NFE2L1: variants seen among roughly 807,000 people sequenced by gnomAD.
The protein encoded by NFE2L1 is endoplasmic reticulum membrane sensor NFE2L1.
Under a neutral mutation model 61.6 loss-of-function variants are expected in NFE2L1, and 18 were observed. The observed-to-expected ratio is 0.29, with a 90% CI of 0.20 to 0.43. NFE2L1 has a LOEUF of 0.43. Ranked by LOEUF, NFE2L1 falls within the 20% of genes least tolerant of loss-of-function variation. The pLI, the probability that NFE2L1 is intolerant of heterozygous loss-of-function variation, is 1.00. For synonymous variants in NFE2L1, 419 were observed against 402.7 expected (o/e 1.04, Z -0.48); for missense variants, 827 against 973.5 (o/e 0.85, Z 2.00).
chr17:48,053,369 G>A (rs2037304840), intron 2 of NFE2L1, among the ~76,000 whole-genome samples: 1 of 152,142 alleles, frequency 6.6e-6, no homozygotes, highest in African/African-American at 2.4e-5. Context: ...GCCCAGGCTG[G>A]GTATGGGGGA....
intron 2 of NFE2L1, among the ~76,000 whole-genome samples, chr17:48,053,699 G>T (rs2037313594): frequency 6.6e-6 from 1 of 152,206 alleles, no homozygotes; most frequent in Non-Finnish European, 1.5e-5. Flanking sequence ...GCAGCAGTGG[G>T]GAGGGAGCTA....
chr17:48,051,004 G>A lies in NFE2L1; in HGVS notation c.-115G>A, dbSNP rs886333328. ...CTTGTGTTCTGCCAGGGTGGGGTAC[G>A]GGGTTTGACACTGAGGAGGGTAACC... On this transcript the variant is annotated 5_prime_UTR_variant, in exon 2 of 6. Transcript: ENST00000362042. The A allele has an allele frequency of 1.5e-5, 20 of 1,290,760 alleles. No homozygotes were observed. The highest frequency in any genetic ancestry group is 1.1e-4 in the Admixed American group (6 of 54,536). The allele number at this position is 1,290,760 out of a possible 1,614,324, so 80.0% of individuals were successfully genotyped here.
intron 2 of NFE2L1, chr17:48,055,109 GC>G: frequency 7.0e-7 from 1 of 1,436,308 alleles, no homozygotes. Flanking sequence ...TCACCGGGTG[GC>G]CCAGCCCGCC....
chr17:48,054,555 G>A, intron 2 of NFE2L1: 10 of 1,215,744 alleles, frequency 8.2e-6, no homozygotes, highest in African/African-American at 1.6e-5. Context: ...CTGCTGACCT[G>A]GGGGAGGGGA....
chr17:48,059,380 G>A lies in NFE2L1; in HGVS notation c.2058G>A (p.Val686=), dbSNP rs2037488983. 1 of 1,614,234 alleles carries A rather than the reference G, an allele frequency of 6.2e-7. No individual in the cohort carries two copies. The highest frequency in any genetic ancestry group is 8.5e-7 in the Non-Finnish European group (1 of 1,180,050). ...CCATCCTGAATCTGGAGCGTGATGT[G>A]GAGGACCTGCAGCGTGACAAAGCCC... ...LDTILNLERD[V]EDLQRDKARL... is the part of the protein sequence containing the mutation. The change falls in exon 6 of 6, where the codon GTG becomes GTA. Residue 686 remains valine (V), a synonymous_variant. Coordinates refer to ENST00000362042, the MANE Select transcript of NFE2L1 (RefSeq NM_003204.3). This position sits in a 1 kb window ranked among gnomAD's most constrained non-coding sequence, Gnocchi z 6.1.
At chr17:48,056,176 C>CTTTT in intron 2 of NFE2L1, 1 of 620,398 alleles carries the variant, frequency 1.6e-6, no homozygotes, top group Non-Finnish European at 2.9e-6. Flanking sequence ...GCTAGTGGCT[C>CTTTT]TTTTTTTTTG....
chr17:48,055,238 G>C, intron 2 of NFE2L1: 1 of 1,261,548 alleles, frequency 7.9e-7, no homozygotes. Context: ...CGACTTAGAG[G>C]TAGGGAGGAG....
chr17:48,055,798 A>G (rs538509299), intron 2 of NFE2L1, among the ~76,000 whole-genome samples: 1 of 152,076 alleles, frequency 6.6e-6, no homozygotes, highest in African/African-American at 2.4e-5. Flanking sequence ...CAGCTGGGGA[A>G]TGGGGAATGG....
In NFE2L1 at chr17:48,050,021, T is replaced by G. The variant is rs75167129; in HGVS notation, c.-512-586T>G. ...AAGATATTTTGGATGACCTGGTTATTGTCTGCTTATTCAAACCAAGCTACA... is the reference window on the plus strand; with the variant it reads ...AAGATATTTTGGATGACCTGGTTATGGTCTGCTTATTCAAACCAAGCTACA... On this transcript the variant is annotated intron_variant, in intron 1 of 5. Coordinates refer to ENST00000362042, the MANE Select transcript of NFE2L1 (RefSeq NM_003204.3). Among the ~76,000 whole-genome samples, 421 of 152,338 alleles carry G rather than the reference T, an allele frequency of 2.8e-3. 5 individuals carry two copies. Among genetic ancestry groups the G allele is most frequent in the African/African-American group, 9.6e-3 (399 of 41,576 alleles).
chr17:48,054,453 G>T, intron 2 of NFE2L1: 3 of 454,172 alleles, frequency 6.6e-6, no homozygotes, highest in Non-Finnish European at 1.0e-5. Flanking sequence ...GGCTCCTTCC[G>T]CATCTCCAGC....
rs73327318 is a variant in NFE2L1 at position 48,058,235 on chromosome 17, G to A, written c.973-60G>A. The A allele has an allele frequency of 6.6e-3, 10,025 of 1,517,202 alleles. 578 individuals carry two copies. In the African/African-American group the frequency reaches 0.12, roughly 19 times the overall value. The allele number at this position is 1,517,202 out of a possible 1,614,324, so 94.0% of individuals were successfully genotyped here. On this transcript the variant is annotated intron_variant, in intron 5 of 5. Coordinates refer to ENST00000362042, the MANE Select transcript of NFE2L1 (RefSeq NM_003204.3). The stretch of plus-strand genomic sequence containing the variant: ...TGCCTCTGTTGGGTGCCTGCAGTGT[G>A]TGAGCCCCAGGGGAGGGAGTCAGTT...
chr17:48,057,346 T>G lies in NFE2L1; in HGVS notation c.816T>G (p.Phe272Leu), dbSNP rs887122494. 2 of 1,613,070 alleles carry G rather than the reference T, an allele frequency of 1.2e-6. No individual in the cohort carries two copies. Among genetic ancestry groups the G allele is most frequent in the East Asian group, 4.5e-5 (2 of 44,894 alleles). The part of the protein sequence containing the change: ...ATCPFGENAE[F>L]PADISSITEA... ...AAAGCCTCTGTGTTTTGCCCTAGTTTCCAGCAGACATTTCCAGCATAACAG... is the reference window on the plus strand; with the variant it reads ...AAAGCCTCTGTGTTTTGCCCTAGTTGCCAGCAGACATTTCCAGCATAACAG... Residue 272 changes from phenylalanine (F) to leucine (L), a missense_variant and splice_region_variant, in exon 5 of 6, where the codon TTT (phenylalanine) becomes TTG (leucine). Coordinates refer to ENST00000362042, the MANE Select transcript of NFE2L1 (RefSeq NM_003204.3).
chr17:48,055,226 A>G (rs948794428), intron 2 of NFE2L1: 1 of 1,275,458 alleles, frequency 7.8e-7, no homozygotes, highest in African/African-American at 1.5e-5. Context: ...GGAGAAGAAT[A>G]CCGACTTAGA....
At position 48,057,287 on chromosome 17, in the gene NFE2L1, G is replaced by A. The variant is rs943182244; in HGVS notation, c.814-57G>A. 19 of 1,599,914 alleles carry A rather than the reference G, an allele frequency of 1.2e-5. No individual in the cohort carries two copies. The East Asian group carries it at 4.2e-4, about 36-fold the overall frequency. On this transcript the variant is annotated intron_variant, in intron 4 of 5. Coordinates refer to ENST00000362042, the MANE Select transcript of NFE2L1 (RefSeq NM_003204.3). ...AACAGGTCCAGGTGGTAATCTCTGG[G>A]AGGAAAGCACAAGGTTTTTCCTTCC...
In NFE2L1 at chr17:48,050,758, G is replaced by A. The variant is rs1011770422; in HGVS notation, c.-361G>A. 1.8e-5 allele frequency: 9 copies of A among 491,750 alleles called. No individual in the cohort carries two copies. Among genetic ancestry groups the A allele is most frequent in the Non-Finnish European group, 2.9e-5 (8 of 279,534 alleles). The allele number at this position is 491,750 out of a possible 1,614,324, so 30.5% of individuals were successfully genotyped here. A position where few individuals can be genotyped will look rare whatever the true frequency, so the allele number is the denominator to read the frequency against. On this transcript the variant is annotated 5_prime_UTR_variant, in exon 2 of 6. Transcript: ENST00000362042. ...CTGTTCCTGAGAACAGCCTGCATTG[G>A]AATCTACAGAGAGGACAACTAATGT...
At chr17:48,051,659 C>G (rs551526419) in intron 2 of NFE2L1, 31 bp downstream of exon 2, 1 of 1,582,648 alleles carries the variant, frequency 6.3e-7, no homozygotes, top group Non-Finnish European at 8.6e-7. Context: ...TGTGTGGGGC[C>G]TGGGGCTTGG....
At chr17:48,055,041 C>T in intron 2 of NFE2L1, 2 of 1,516,760 alleles carry the variant, frequency 1.3e-6, no homozygotes, top group Non-Finnish European at 1.8e-6. Flanking sequence ...GACCGCAGCT[C>T]TCACAGTGGT....
chr17:48,049,987 C>G (rs2037207231), intron 1 of NFE2L1, among the ~76,000 whole-genome samples: 1 of 152,128 alleles, frequency 6.6e-6, no homozygotes, highest in South Asian at 2.1e-4. Flanking sequence ...GTAAATAAAA[C>G]AAAGGTGTAA....
rs1567750651 is a variant in NFE2L1, at chr17:48,051,085, AACC to A, written c.-32_-30del. The A allele has an allele frequency of 6.2e-7, 1 of 1,613,796 alleles. No individual in the cohort carries two copies. The highest frequency in any genetic ancestry group is 1.7e-5 in the Admixed American group (1 of 60,010). The stretch of plus-strand genomic sequence containing the variant: ...GATTTGTCTTTTGGAAGATTTTAAA[AACC>A]AAAAAGCATAAACATTCTGGTCCTT... On this transcript the variant is annotated 5_prime_UTR_variant, in exon 2 of 6. Coordinates refer to ENST00000362042, the MANE Select transcript of NFE2L1 (RefSeq NM_003204.3).
Sources: gnomAD v4.1 joint callset for allele counts (sites outside exome capture counted in the v4.1 genomes callset) on GRCh38, gnomAD v4.1.1 for gene constraint, Gnocchi (gnomAD v3.1) non-coding constraint, MANE v1.5 for transcripts, NCBI Gene and HGNC (gene_info 2026-07-23, HGNC 2026-07-21) for gene names.